The following MYO18B variants were observed in gnomAD, a reference collection of about 807,000 sequenced individuals.
The protein encoded by MYO18B is myosin XVIIIB.
A neutral mutation model predicts 273.0 loss-of-function variants in MYO18B; 204 were observed. The observed-to-expected ratio is 0.75, with a 90% CI of 0.67 to 0.84. The LOEUF (loss-of-function observed/expected upper bound fraction) is 0.84, where lower values mean the gene tolerates loss of function less well. MYO18B is among the 40% of genes least tolerant of loss of function. The pLI is 0.00. For missense variants in MYO18B, 3,212 were observed against 3,287.6 expected, an observed-to-expected ratio of 0.98 and a Z score of 0.56; for synonymous variants, 1,330 against 1,305.7, an observed-to-expected ratio of 1.02 and a Z score of -0.40.
In MYO18B at chr22:25,903,776, T is replaced by A. The variant is rs750573078; in HGVS notation, c.5093T>A (p.Leu1698His). The change falls in exon 31 of 44, where the codon CTT becomes CAT. Residue 1698 changes from leucine (L) to histidine (H), a missense_variant. Transcript: ENST00000335473. ...ERLWKLESSA[L>H]EQQKIQSQQE... is the part of the protein sequence containing the mutation. ...CTCTGGAAGTTGGAATCCAGCGCCC[T>A]TGAGCAACAGAAAATCCAGAGCCAG... The A allele has an allele frequency of 6.2e-7, 1 of 1,604,114 alleles. No individual in the cohort carries two copies. The highest frequency in any genetic ancestry group is 1.7e-5 in the Admixed American group (1 of 58,826).
At chr22:25,814,442 C>T (rs2088914613) in intron 12 of MYO18B, among the ~76,000 whole-genome samples, 1 of 151,456 alleles carries the variant, frequency 6.6e-6, no homozygotes. Flanking sequence ...GTCTCAGCCT[C>T]CCAGGTAGCT....
At chr22:25,874,220 A>C in intron 22 of MYO18B, 66 bp from the exon 23 acceptor site, 1 of 1,578,000 alleles carries the variant, frequency 6.3e-7, no homozygotes, top group East Asian at 2.3e-5. Context: ...CTGATTTGCA[A>C]GCACCCCCCC....
intron 14 of MYO18B, among the ~76,000 whole-genome samples, chr22:25,828,370 G>A (rs772885648): frequency 1.2e-4 from 19 of 152,164 alleles, no homozygotes; most frequent in Non-Finnish European, 2.4e-4. Flanking sequence ...GAGAATACAA[G>A]GAGGTGATAG....
At chr22:25,875,129 A>G (rs2091155481) in intron 23 of MYO18B, among the ~76,000 whole-genome samples, 1 of 152,224 alleles carries the variant, frequency 6.6e-6, no homozygotes, top group Non-Finnish European at 1.5e-5. Context: ...GACCGTGAAT[A>G]ATGAACATAT....
Position 25,868,371 on chromosome 22 carries a change from G to A in MYO18B, c.3937G>A (p.Val1313Met), listed in dbSNP as rs1278181881. The A allele has an allele frequency of 3.8e-6, 6 of 1,599,676 alleles. No homozygotes were observed. Among genetic ancestry groups the A allele is most frequent in the Non-Finnish European group, 4.3e-6 (5 of 1,173,084 alleles). ...GGATCTGGAAAAGAAGGCGGTGGCTGTGGGGCACAGCCAAGTGAGTAGAGC... is the reference window on the plus strand; with the variant it reads ...GGATCTGGAAAAGAAGGCGGTGGCTATGGGGCACAGCCAAGTGAGTAGAGC... ...TLDLEKKAVA[V>M]GHSQVFLKAG... is the part of the protein sequence containing the mutation. Residue 1313 changes from valine (V) to methionine (M), a missense_variant, in exon 22 of 44, where the codon GTG (valine) becomes ATG (methionine). Val to Met is a conservative substitution (Grantham distance 21). Coordinates refer to ENST00000335473, the MANE Select transcript of MYO18B (RefSeq NM_032608.7).
rs1432756622 is a variant in MYO18B, at chr22:25,768,289, G to T, written c.373G>T (p.Gly125Cys). The T allele has an allele frequency of 1.9e-6, 3 of 1,613,972 alleles. No homozygotes were observed. The highest frequency in any genetic ancestry group is 2.2e-5 in the East Asian group (1 of 44,866). Residue 125 changes from glycine to cysteine, a missense_variant, in exon 4 of 44, where the codon GGT becomes TGT. Gly to Cys is a radical substitution (Grantham distance 159). Coordinates refer to ENST00000335473, the MANE Select transcript of MYO18B (RefSeq NM_032608.7). Reference protein sequence around the residue: ...PDPEQMTSINGEKAQELGSSA... With the variant: ...PDPEQMTSINCEKAQELGSSA... The stretch of plus-strand genomic sequence containing the variant: ...CCCTGAGCAGATGACAAGCATCAAT[G>T]GTGAGAAGGCCCAGGAGCTGGGCTC...
At chr22:25,948,436 TTCCTTCCTTCC>T (rs1569224937) in intron 36 of MYO18B, among the ~76,000 whole-genome samples, 1,672 of 136,470 alleles carry the variant, frequency 0.012, 27 homozygotes, top group African/African-American at 0.024. Flanking sequence ...CCTTCCTTCC[TTCCTTCCTTCC>T]TTCCTTCCTT....
the MYO18B span, among the ~76,000 whole-genome samples, chr22:26,052,243 G>T: frequency 3.9e-5 from 6 of 152,300 alleles, no homozygotes; most frequent in South Asian, 1.2e-3. Flanking sequence ...TAAAGGCACA[G>T]GTTGGAGGAT....
chr22:25,969,614 A>AG (rs1472875630), intron 39 of MYO18B, among the ~76,000 whole-genome samples: 11 of 152,212 alleles, frequency 7.2e-5, no homozygotes, highest in Admixed American at 7.2e-4. Flanking sequence ...AGAAAAAAAA[A>AG]TCACTTACCT....
the MYO18B span, among the ~76,000 whole-genome samples, chr22:26,052,345 A>G: frequency 6.6e-6 from 1 of 152,176 alleles, no homozygotes; most frequent in Non-Finnish European, 1.5e-5. Context: ...GGTCATCCCA[A>G]TTTATTGGGC....
At chr22:25,864,226 C>T (rs1483035959) in intron 21 of MYO18B, among the ~76,000 whole-genome samples, 1 of 152,198 alleles carries the variant, frequency 6.6e-6, no homozygotes, top group Non-Finnish European at 1.5e-5. Flanking sequence ...CACAAACTCT[C>T]ACTGTTTCTA....
chr22:25,868,276 C>T (rs749774150), intron 21 of MYO18B, 44 bp from the exon 22 acceptor site: 2 of 1,528,502 alleles, frequency 1.3e-6, no homozygotes, highest in African/African-American at 1.4e-5. Context: ...TTAGGATCCT[C>T]CTACCTTCTA....
chr22:25,880,669 A>G (rs772995089), intron 25 of MYO18B, among the ~76,000 whole-genome samples: 6 of 152,242 alleles, frequency 3.9e-5, no homozygotes, highest in Non-Finnish European at 7.3e-5. Context: ...TGATAGAGCT[A>G]GGAAGGAGGG....
intron 11 of MYO18B, among the ~76,000 whole-genome samples, chr22:25,797,515 A>G (rs1025030483): frequency 1.3e-5 from 2 of 152,104 alleles, no homozygotes; most frequent in Non-Finnish European, 1.5e-5. Flanking sequence ...GGCCCTACCT[A>G]TAGACCCTAT....
chr22:25,922,161 G>A (rs1235246388), intron 34 of MYO18B, among the ~76,000 whole-genome samples: 2 of 152,138 alleles, frequency 1.3e-5, no homozygotes, highest in Non-Finnish European at 2.9e-5. Context: ...AGAAAGGTAC[G>A]ATGACCCACC....
At chr22:25,823,791 T>A in intron 13 of MYO18B, 113 bp downstream of exon 13, 1 of 1,140,672 alleles carries the variant, frequency 8.8e-7, no homozygotes, top group Non-Finnish European at 1.3e-6. Context: ...GCCTATGCTA[T>A]GAAGGCGTGT....
chr22:25,814,291 GTTCTTTTTTTTTTTTTTTTTT>G (rs2088899578), intron 12 of MYO18B, among the ~76,000 whole-genome samples: 1 of 84,624 alleles, frequency 1.2e-5, no homozygotes, highest in Non-Finnish European at 2.5e-5. Context: ...CCCAGGCACC[GTTCTTTTTTTTTTTTTTTTTT>G]TTTTTTTTTT....
chr22:25,839,874 C>T (rs2090030452), intron 17 of MYO18B, among the ~76,000 whole-genome samples: 1 of 152,220 alleles, frequency 6.6e-6, no homozygotes, highest in Admixed American at 6.5e-5. Flanking sequence ...CCTGGAAAGT[C>T]CCCTCCTGGT....
chr22:26,046,658 G>T, the MYO18B span, among the ~76,000 whole-genome samples: 1 of 152,186 alleles, frequency 6.6e-6, no homozygotes, highest in Non-Finnish European at 1.5e-5. Flanking sequence ...GCCCCTAGCT[G>T]TCTGTTCTTA....
Sources: gnomAD v4.1 joint callset for allele counts (sites outside exome capture counted in the v4.1 genomes callset) on GRCh38, gnomAD v4.1.1 for gene constraint, MANE v1.5 for transcripts, NCBI Gene and HGNC (gene_info 2026-07-23, HGNC 2026-07-21) for gene names.